TUSC3: variants seen among roughly 807,000 people sequenced by gnomAD.
TUSC3 encodes the protein tumor suppressor candidate 3, also known as dolichyl-diphosphooligosaccharide--protein glycosyltransferase subunit TUSC3.
In TUSC3, 45 loss-of-function variants were observed where a neutral mutation model predicts 44.8. That is an observed-to-expected ratio of 1.00 (90% CI 0.79 to 1.29). The LOEUF is 1.29. Ranked by LOEUF, TUSC3 falls within the 50% of genes most tolerant of loss-of-function variation. The probability of loss-of-function intolerance (pLI) is 0.00; values close to 1 mark genes in which losing one functional copy is unlikely to be tolerated. For synonymous variants in TUSC3, 212 were observed against 152.9 expected, an observed-to-expected ratio of 1.39 and a Z score of -2.85; for missense variants, 519 against 437.9, an observed-to-expected ratio of 1.19 and a Z score of -1.65.
chr8:15,651,219 C>G (rs1316998733), intron 3 of TUSC3, among the ~76,000 whole-genome samples: 1 of 152,050 alleles, frequency 6.6e-6, no homozygotes, highest in Non-Finnish European at 1.5e-5. Context: ...ATGCATTGGT[C>G]TTATTCTGGC....
chr8:15,800,479 G>T, the TUSC3 span, among the ~76,000 whole-genome samples: 45 of 152,040 alleles, frequency 3.0e-4, no homozygotes, highest in African/African-American at 1.0e-3. Flanking sequence ...GGGCTGAGGT[G>T]GGAGGATCAC....
At chr8:15,589,457 TG>T (rs1376457120) in intron 1 of TUSC3, among the ~76,000 whole-genome samples, 1 of 152,138 alleles carries the variant, frequency 6.6e-6, no homozygotes, top group Non-Finnish European at 1.5e-5. Flanking sequence ...AACATAAAGA[TG>T]GAAGTTTTAG....
At chr8:15,828,874 G>C in the TUSC3 span, among the ~76,000 whole-genome samples, 2 of 152,090 alleles carry the variant, frequency 1.3e-5, no homozygotes, top group African/African-American at 4.8e-5. Context: ...TTCGTCACTG[G>C]AGGAGGAAGG....
intron 6 of TUSC3, among the ~76,000 whole-genome samples, chr8:15,728,726 C>T (rs1406160133): frequency 6.6e-6 from 1 of 152,048 alleles, no homozygotes; most frequent in Non-Finnish European, 1.5e-5. Context: ...TAATTAAAGC[C>T]ATGAAACTGG....
At chr8:15,507,233 T>C (rs1025069604) in intron 2 of TUSC3, among the ~76,000 whole-genome samples, 1 of 152,202 alleles carries the variant, frequency 6.6e-6, no homozygotes, top group Non-Finnish European at 1.5e-5. Context: ...ATTGTTCCTG[T>C]ATTTTACATT....
At chr8:15,610,751 G>A (rs560840440) in intron 1 of TUSC3, among the ~76,000 whole-genome samples, 1 of 152,258 alleles carries the variant, frequency 6.6e-6, no homozygotes, top group South Asian at 2.1e-4. Context: ...GAGCGTAAAA[G>A]TTTTACAAAT....
chr8:15,671,583 G>A (rs1210506774), intron 5 of TUSC3, among the ~76,000 whole-genome samples: 1 of 151,926 alleles, frequency 6.6e-6, no homozygotes, highest in Non-Finnish European at 1.5e-5. Context: ...ATTATTCCAG[G>A]TTTGAACCTG....
the TUSC3 span, among the ~76,000 whole-genome samples, chr8:15,801,845 TG>T: frequency 1.3e-5 from 2 of 152,152 alleles, 1 homozygote; most frequent in South Asian, 4.1e-4. Flanking sequence ...TTCAAGAAAT[TG>T]AATCAACAAG....
At chr8:15,719,740 G>A (rs1364587083) in intron 6 of TUSC3, among the ~76,000 whole-genome samples, 1 of 152,156 alleles carries the variant, frequency 6.6e-6, no homozygotes, top group African/African-American at 2.4e-5. Flanking sequence ...CTACCTTAAT[G>A]AAGTAGAGAT....
the TUSC3 span, among the ~76,000 whole-genome samples, chr8:15,819,098 C>G: frequency 6.6e-6 from 1 of 152,216 alleles, no homozygotes; most frequent in African/African-American, 2.4e-5. Context: ...AGAAAATTCA[C>G]AGCATTCTTG....
At chr8:15,452,610 G>C (rs373919566) in intron 1 of TUSC3, among the ~76,000 whole-genome samples, 11 of 152,274 alleles carry the variant, frequency 7.2e-5, no homozygotes, top group African/African-American at 2.4e-4. Context: ...AAGCTATAAG[G>C]CAGACTTACG....
At chr8:15,431,198 GT>G (rs1453150174) in intron 1 of TUSC3, among the ~76,000 whole-genome samples, 1 of 151,394 alleles carries the variant, frequency 6.6e-6, no homozygotes, top group Non-Finnish European at 1.5e-5. Flanking sequence ...TTTTGGAATT[GT>G]TTTTTCTATT....
intron 1 of TUSC3, among the ~76,000 whole-genome samples, chr8:15,477,448 A>G (rs1800593366): frequency 6.6e-6 from 1 of 152,156 alleles, no homozygotes; most frequent in Non-Finnish European, 1.5e-5. Context: ...AAATATAATT[A>G]TAGTGTGCTC....
Position 15,558,903 on chromosome 8 carries a change from A to G in TUSC3, c.138+18335A>G, listed in dbSNP as rs937832086. Among the ~76,000 whole-genome samples, 95 of 150,978 alleles carry G rather than the reference A, an allele frequency of 6.3e-4. 1 individual carries two copies. The highest frequency in any genetic ancestry group is 2.1e-3 in the African/African-American group (88 of 41,292). Reference sequence around the variant, plus strand: ...CTGTTCGATTCTTCTCTTTTTCTTTATTAGTCTTGCTAGCGGTCTATCAAT... The same window carrying G: ...CTGTTCGATTCTTCTCTTTTTCTTTGTTAGTCTTGCTAGCGGTCTATCAAT... On this transcript the variant is annotated intron_variant, in intron 1 of 10. Transcript: ENST00000503731.
intron 2 of TUSC3, among the ~76,000 whole-genome samples, chr8:15,515,571 C>T (rs376611971): frequency 5.9e-5 from 9 of 152,164 alleles, no homozygotes; most frequent in Middle Eastern, 3.4e-3. Flanking sequence ...CAACACCAGC[C>T]TAGAGCAAAA....
At chr8:15,770,531 A>G (rs1301575526), downstream of TUSC3, among the ~76,000 whole-genome samples, 1 of 152,222 alleles carries the variant, frequency 6.6e-6, no homozygotes, top group Non-Finnish European at 1.5e-5. Context: ...TTGCACATGT[A>G]TCCCAGAACT....
intron 1 of TUSC3, among the ~76,000 whole-genome samples, chr8:15,553,102 G>T (rs548890389): frequency 2.6e-5 from 4 of 151,726 alleles, no homozygotes; most frequent in Non-Finnish European, 2.9e-5. Context: ...AAAGATTTTC[G>T]AAGGAAGATA....
At chr8:15,727,649 TC>T (rs1810552030) in intron 6 of TUSC3, among the ~76,000 whole-genome samples, 1 of 152,156 alleles carries the variant, frequency 6.6e-6, no homozygotes, top group African/African-American at 2.4e-5. Context: ...TTTAAAACTA[TC>T]AGTTCAGCAC....
downstream of TUSC3, among the ~76,000 whole-genome samples, chr8:15,768,073 G>A (rs532303558): frequency 6.6e-6 from 1 of 152,260 alleles, no homozygotes; most frequent in Admixed American, 6.5e-5. Context: ...GACTAAAACA[G>A]TGGTAAACAG....
Sources: gnomAD v4.1 joint callset for allele counts (sites outside exome capture counted in the v4.1 genomes callset) on GRCh38, gnomAD v4.1.1 for gene constraint, MANE v1.5 for transcripts, NCBI Gene and HGNC (gene_info 2026-07-23, HGNC 2026-07-21) for gene names.